Variants in CCDC148 observed in about 807,000 individuals in gnomAD.
CCDC148 encodes coiled-coil domain containing 148.
A neutral mutation model predicts 85.7 loss-of-function variants in CCDC148; 89 were observed. That is an observed-to-expected ratio of 1.04 (90% CI 0.87 to 1.24). CCDC148 has a LOEUF of 1.24. Ranked by LOEUF, CCDC148 falls within the 50% of genes most tolerant of loss-of-function variation. The pLI, the probability that CCDC148 is intolerant of heterozygous loss-of-function variation, is 0.00. For missense variants in CCDC148, 692 were observed against 671.7 expected (o/e 1.03, Z -0.33); for synonymous variants, 230 against 213.9 (o/e 1.08, Z -0.66).
chr2:158,233,084 G>A (rs1308498827), intron 10 of CCDC148, among the ~76,000 whole-genome samples: 2 of 152,066 alleles, frequency 1.3e-5, no homozygotes, highest in Non-Finnish European at 2.9e-5. Context: ...ACTCTGACTT[G>A]ATTATTACAT....
intron 9 of CCDC148, among the ~76,000 whole-genome samples, chr2:158,293,353 C>T (rs1690984620): frequency 6.6e-6 from 1 of 152,194 alleles, no homozygotes; most frequent in Admixed American, 6.5e-5. Context: ...TAGGTTGCAC[C>T]ATATGATATT....
chr2:158,306,466 G>A (rs1248256224), intron 9 of CCDC148, among the ~76,000 whole-genome samples: 2 of 152,016 alleles, frequency 1.3e-5, no homozygotes, highest in African/African-American at 4.8e-5. Flanking sequence ...AAGAAAATGT[G>A]GCACATATAC....
intron 1 of CCDC148, among the ~76,000 whole-genome samples, chr2:158,429,080 GAAC>G (rs1379555615): frequency 7.0e-6 from 1 of 143,830 alleles, no homozygotes; most frequent in Admixed American, 7.4e-5. Context: ...TGTGGGAATT[GAAC>G]AACGAGAACA....
intron 10 of CCDC148, among the ~76,000 whole-genome samples, chr2:158,222,579 T>C (rs1350474412): frequency 6.6e-6 from 1 of 152,152 alleles, no homozygotes; most frequent in Non-Finnish European, 1.5e-5. Flanking sequence ...CAGAAAACTA[T>C]TTCCTTGTTT....
intron 1 of CCDC148, among the ~76,000 whole-genome samples, chr2:158,382,511 A>G (rs562234811): frequency 6.6e-6 from 1 of 152,170 alleles, no homozygotes; most frequent in South Asian, 2.1e-4. Flanking sequence ...TGACATATGT[A>G]TTAACTTATT....
At chr2:158,447,497 C>T (rs1379029683) in intron 1 of CCDC148, 1 of 152,122 alleles carries the variant, frequency 6.6e-6, no homozygotes, top group African/African-American at 2.4e-5. Context: ...TAAATGACTC[C>T]AAAAAGTGTG....
At chr2:158,395,302 A>G (rs2042081) in intron 1 of CCDC148, among the ~76,000 whole-genome samples, 135,029 of 152,030 alleles carry the variant, frequency 0.89, 60,730 homozygotes, top group Non-Finnish European at 0.96. Flanking sequence ...TCCACAGCCC[A>G]GTCACCCCAT....
At chr2:158,302,235 C>T (rs1691477377) in intron 9 of CCDC148, among the ~76,000 whole-genome samples, 1 of 152,136 alleles carries the variant, frequency 6.6e-6, no homozygotes, top group Non-Finnish European at 1.5e-5. Context: ...GGTTGTTTCA[C>T]TCCTCAATGA....
At chr2:158,326,469 A>C (rs999329571) in intron 7 of CCDC148, among the ~76,000 whole-genome samples, 1 of 152,290 alleles carries the variant, frequency 6.6e-6, no homozygotes, top group South Asian at 2.1e-4. Context: ...GAGTACACGA[A>C]TTTTTGTATA....
At chr2:158,336,956 T>A (rs917948515) in intron 7 of CCDC148, among the ~76,000 whole-genome samples, 6 of 152,168 alleles carry the variant, frequency 3.9e-5, no homozygotes, top group African/African-American at 1.4e-4. Flanking sequence ...AGCTATTTTA[T>A]CCTCAATATT....
chr2:158,343,120 A>G (rs765436526), intron 3 of CCDC148, among the ~76,000 whole-genome samples: 4 of 152,240 alleles, frequency 2.6e-5, no homozygotes, highest in Admixed American at 2.6e-4. Context: ...CCTAGGCTGA[A>G]GTGATCCTCC....
chr2:158,284,997 A>C (rs1432446322), intron 9 of CCDC148, among the ~76,000 whole-genome samples: 2 of 152,192 alleles, frequency 1.3e-5, no homozygotes, highest in Non-Finnish European at 2.9e-5. Context: ...TTAAGAATTC[A>C]GTGCATTAGG....
intron 1 of CCDC148, among the ~76,000 whole-genome samples, chr2:158,411,478 T>C (rs1246435404): frequency 1.3e-5 from 2 of 152,044 alleles, no homozygotes; most frequent in African/African-American, 2.4e-5. Context: ...CTATAGAAAC[T>C]CTTTATTGCA....
intron 11 of CCDC148, among the ~76,000 whole-genome samples, chr2:158,210,564 A>G (rs1686509517): frequency 6.6e-6 from 1 of 152,144 alleles, no homozygotes; most frequent in Non-Finnish European, 1.5e-5. Context: ...AGCTGGAAGT[A>G]AAACACTCCT....
chr2:158,233,154 CA>C (rs916445494), intron 10 of CCDC148, among the ~76,000 whole-genome samples: 4 of 152,014 alleles, frequency 2.6e-5, no homozygotes, highest in Non-Finnish European at 4.4e-5. Context: ...CACTATGTAT[CA>C]ATTATTTAAA....
At chr2:158,186,715 C>T (rs1685173828) in intron 11 of CCDC148, among the ~76,000 whole-genome samples, 1 of 151,900 alleles carries the variant, frequency 6.6e-6, no homozygotes, top group South Asian at 2.1e-4. Flanking sequence ...ATTCTGTCTC[C>T]AGCTCTTCAC....
intron 1 of CCDC148, among the ~76,000 whole-genome samples, chr2:158,385,510 G>A (rs1685049683): frequency 6.6e-6 from 1 of 152,072 alleles, no homozygotes; most frequent in African/African-American, 2.4e-5. Context: ...GCAATGCCAA[G>A]GGCATAGCAA....
At chr2:158,397,483 T>C (rs1403504800) in intron 1 of CCDC148, among the ~76,000 whole-genome samples, 1 of 152,058 alleles carries the variant, frequency 6.6e-6, no homozygotes, top group Non-Finnish European at 1.5e-5. Context: ...TCAACATCCT[T>C]AAAGAAAAGA....
intron 10 of CCDC148, among the ~76,000 whole-genome samples, chr2:158,227,498 A>G (rs1159903602): frequency 6.6e-6 from 1 of 152,202 alleles, no homozygotes; most frequent in African/African-American, 2.4e-5. Flanking sequence ...CGCATTGCCA[A>G]GTCAATCCTA....
Sources: allele counts gnomAD v4.1 joint callset (sites outside exome capture counted in the v4.1 genomes callset), GRCh38; gene constraint gnomAD v4.1.1; transcripts MANE v1.5; gene names NCBI Gene and HGNC (gene_info 2026-07-23, HGNC 2026-07-21).